Variants in KCNJ3 observed in about 807,000 individuals in gnomAD.
KCNJ3 encodes potassium inwardly rectifying channel subfamily J member 3.
A neutral mutation model predicts 39.2 loss-of-function variants in KCNJ3; 4 were observed. That is an observed-to-expected ratio of 0.10 (90% CI 0.05 to 0.23). The LOEUF (loss-of-function observed/expected upper bound fraction) is 0.23, where lower values mean the gene tolerates loss of function less well. KCNJ3 is among the 10% of genes least tolerant of loss of function. The pLI is 1.00. For synonymous variants in KCNJ3, 230 were observed against 237.4 expected, an observed-to-expected ratio of 0.97 and a Z score of 0.29; for missense variants, 276 against 634.9, an observed-to-expected ratio of 0.43 and a Z score of 6.08.
At chr2:154,824,153 G>A (rs1424130027) in intron 2 of KCNJ3, among the ~76,000 whole-genome samples, 36 of 151,984 alleles carry the variant, frequency 2.4e-4, no homozygotes, top group Admixed American at 2.4e-3. Flanking sequence ...TGAGCAACAT[G>A]GTGAAACCAC....
intron 1 of KCNJ3, among the ~76,000 whole-genome samples, chr2:154,702,486 A>G (rs62170778): frequency 0.31 from 47,435 of 151,736 alleles, 8,723 homozygotes; most frequent in Non-Finnish European, 0.4. Context: ...GAAATTTCTC[A>G]TGTATAATAG....
chr2:154,834,171 G>C (rs940454935), intron 2 of KCNJ3, among the ~76,000 whole-genome samples: 1 of 152,112 alleles, frequency 6.6e-6, no homozygotes, highest in Non-Finnish European at 1.5e-5. Context: ...ATGAATGAGA[G>C]TTCTTGTGAT....
Position 154,855,149 on chromosome 2 carries a change from G to C in KCNJ3, c.1342G>C (p.Glu448Gln). The C allele has an allele frequency of 6.2e-7, 1 of 1,613,986 alleles. No individual in the cohort carries two copies. The highest frequency in any genetic ancestry group is 8.5e-7 in the Non-Finnish European group (1 of 1,179,956). ...AATAAGTTCAGTTCCGGGCAACTCAGAAGAAAAACTGGTATCTAAAACCAC... is the reference window on the plus strand; with the variant it reads ...AATAAGTTCAGTTCCGGGCAACTCACAAGAAAAACTGGTATCTAAAACCAC... ...QRISSVPGNS[E>Q]EKLVSKTTKM... Residue 448 changes from glutamate (E) to glutamine (Q), a missense_variant, in exon 3 of 3, where the codon GAA (glutamate) becomes CAA (glutamine). This residue lies in a region of KCNJ3 where 126 missense variants were observed against 179.8 expected (regional missense o/e 0.70). Coordinates refer to ENST00000295101, the MANE Select transcript of KCNJ3 (RefSeq NM_002239.4).
intron 2 of KCNJ3, among the ~76,000 whole-genome samples, chr2:154,735,356 C>T (rs1380079508): frequency 6.6e-6 from 1 of 151,678 alleles, no homozygotes; most frequent in Non-Finnish European, 1.5e-5. Context: ...CCTCGTGATC[C>T]GTCCGCCTCG....
At chr2:154,773,744 A>G (rs1043647099) in intron 2 of KCNJ3, among the ~76,000 whole-genome samples, 10 of 152,170 alleles carry the variant, frequency 6.6e-5, no homozygotes, top group Admixed American at 1.3e-4. Flanking sequence ...AAGGGTTATT[A>G]AATTGATTGA....
At chr2:154,848,758 A>G (rs575401364) in intron 2 of KCNJ3, among the ~76,000 whole-genome samples, 6 of 152,278 alleles carry the variant, frequency 3.9e-5, no homozygotes, top group Non-Finnish European at 7.4e-5. Flanking sequence ...AAAGGTAAAC[A>G]GCATAGGTGG....
At chr2:154,731,088 A>G (rs1390528898) in intron 2 of KCNJ3, among the ~76,000 whole-genome samples, 1 of 152,160 alleles carries the variant, frequency 6.6e-6, no homozygotes, top group Non-Finnish European at 1.5e-5. Context: ...AGGTTAAGGT[A>G]GCCTATTCAG....
Position 154,813,654 on chromosome 2 carries a change from T to A in KCNJ3, c.920-41073T>A, listed in dbSNP as rs148534793. ...ATATGTATTATGTAAATTTGTACTATGTAAAATATGTAATATAAATTATCT... is the reference window on the plus strand; with the variant it reads ...ATATGTATTATGTAAATTTGTACTAAGTAAAATATGTAATATAAATTATCT... On this transcript the variant is annotated intron_variant, in intron 2 of 2. Coordinates refer to ENST00000295101, the MANE Select transcript of KCNJ3 (RefSeq NM_002239.4). Among the ~76,000 whole-genome samples, 7 of 152,326 alleles carry A rather than the reference T, an allele frequency of 4.6e-5. No individual in the cohort carries two copies. The East Asian group carries it at 1.4e-3, about 29-fold the overall frequency.
chr2:154,747,578 T>C (rs976757502), intron 2 of KCNJ3, among the ~76,000 whole-genome samples: 14 of 151,944 alleles, frequency 9.2e-5, no homozygotes. Flanking sequence ...AAGTCTGAGC[T>C]CTCCTTATCT....
chr2:154,844,019 A>G (rs1687623738), intron 2 of KCNJ3, among the ~76,000 whole-genome samples: 1 of 152,214 alleles, frequency 6.6e-6, no homozygotes, highest in Non-Finnish European at 1.5e-5. Context: ...GGAGGAGAAC[A>G]GGCCCTCTGA....
chr2:154,791,864 A>G (rs1430739350), intron 2 of KCNJ3, among the ~76,000 whole-genome samples: 5 of 152,108 alleles, frequency 3.3e-5, no homozygotes, highest in Admixed American at 2.6e-4. Context: ...CTCAAGAAAA[A>G]TATATTAAAA....
intron 2 of KCNJ3, among the ~76,000 whole-genome samples, chr2:154,750,559 T>C (rs1260629050): frequency 5.3e-5 from 8 of 152,042 alleles, no homozygotes; most frequent in Admixed American, 1.3e-4. Context: ...CATAATTTTA[T>C]TGCTATCAGG....
At chr2:154,731,771 A>T (rs993354181) in intron 2 of KCNJ3, among the ~76,000 whole-genome samples, 3 of 151,872 alleles carry the variant, frequency 2.0e-5, no homozygotes, top group Non-Finnish European at 4.4e-5. Context: ...AAACAATCTG[A>T]TTCACTTTTT....
intron 2 of KCNJ3, among the ~76,000 whole-genome samples, chr2:154,737,394 T>C (rs191498916): frequency 6.6e-6 from 1 of 152,310 alleles, no homozygotes; most frequent in East Asian, 1.9e-4. Context: ...AAATATTTAG[T>C]ACCTAACAAT....
chr2:154,844,379 CTCCCAGTT>C (rs1462096252), intron 2 of KCNJ3, among the ~76,000 whole-genome samples: 1 of 152,194 alleles, frequency 6.6e-6, no homozygotes, highest in Non-Finnish European at 1.5e-5. Context: ...TGGGAGATGT[CTCCCAGTT>C]AGGCTACACA....
chr2:154,835,625 A>C (rs1687446891), intron 2 of KCNJ3, among the ~76,000 whole-genome samples: 1 of 151,884 alleles, frequency 6.6e-6, no homozygotes, highest in African/African-American at 2.4e-5. Flanking sequence ...AATGATTCCT[A>C]AGAGTATATG....
chr2:154,716,714 C>T (rs1685187996), intron 2 of KCNJ3, among the ~76,000 whole-genome samples: 3 of 152,112 alleles, frequency 2.0e-5, no homozygotes, highest in Admixed American at 1.3e-4. Flanking sequence ...ATATTGGTTA[C>T]GGACTTTGTT....
intron 2 of KCNJ3, among the ~76,000 whole-genome samples, chr2:154,737,278 G>T (rs1574441309): frequency 6.6e-6 from 1 of 152,168 alleles, no homozygotes; most frequent in Non-Finnish European, 1.5e-5. Context: ...ATTGAAGTTT[G>T]TTCTAGATCT....
At chr2:154,841,082 G>C (rs1236041315) in intron 2 of KCNJ3, among the ~76,000 whole-genome samples, 1 of 152,124 alleles carries the variant, frequency 6.6e-6, no homozygotes, top group Non-Finnish European at 1.5e-5. Flanking sequence ...GTCATAAATA[G>C]CTCTTATTAT....
Sources: gnomAD v4.1 joint callset for allele counts (sites outside exome capture counted in the v4.1 genomes callset) on GRCh38, gnomAD v4.1.1 for gene constraint, gnomAD v4.1.1 regional missense constraint, MANE v1.5 for transcripts, NCBI Gene and HGNC (gene_info 2026-07-23, HGNC 2026-07-21) for gene names.